Variants in MCTP1 observed in about 807,000 individuals in gnomAD.
MCTP1 encodes the protein multiple C2 and transmembrane domain containing 1.
In MCTP1, 69 loss-of-function variants were observed where a neutral mutation model predicts 120.6. The ratio of observed to expected loss-of-function variants is 0.57; its 90% confidence interval spans 0.47 to 0.70. MCTP1 has a LOEUF of 0.70. Among genes scored for constraint, MCTP1 ranks in the 30% least tolerant of loss-of-function variants. MCTP1 has a pLI of 0.00. For synonymous variants in MCTP1, 529 were observed against 493.1 expected (o/e 1.07, Z -0.96); for missense variants, 1,203 against 1,248.8 (o/e 0.96, Z 0.55).
At chr5:94,789,663 C>T (rs1269765505) in intron 18 of MCTP1, 1 of 152,160 alleles carries the variant, frequency 6.6e-6, no homozygotes, top group Non-Finnish European at 1.5e-5. Context: ...CTGGGACTAT[C>T]TAAATGTCTT....
intron 1 of MCTP1, among the ~76,000 whole-genome samples, chr5:95,189,329 G>T (rs1749580096): frequency 6.6e-6 from 1 of 152,166 alleles, no homozygotes; most frequent in South Asian, 2.1e-4. Context: ...GCCTTTCTAG[G>T]ATGATGGAAA....
At chr5:95,168,398 T>C (rs571958362) in intron 1 of MCTP1, among the ~76,000 whole-genome samples, 1 of 152,330 alleles carries the variant, frequency 6.6e-6, no homozygotes, top group Admixed American at 6.5e-5. Context: ...TGGTTCCATA[T>C]GAACTTTAAA....
At chr5:95,156,516 C>T (rs1291066376) in intron 1 of MCTP1, among the ~76,000 whole-genome samples, 2 of 152,194 alleles carry the variant, frequency 1.3e-5, no homozygotes, top group Non-Finnish European at 2.9e-5. Context: ...TACCTTAACT[C>T]ATATCATTCT....
At chr5:94,856,401 CAAT>C (rs1794729864) in intron 17 of MCTP1, among the ~76,000 whole-genome samples, 1 of 151,636 alleles carries the variant, frequency 6.6e-6, no homozygotes, top group South Asian at 2.1e-4. Flanking sequence ...TCTACAAACA[CAAT>C]AAAAAAAATC....
chr5:95,016,675 T>G (rs1837174949), intron 2 of MCTP1, among the ~76,000 whole-genome samples: 1 of 152,018 alleles, frequency 6.6e-6, no homozygotes, highest in South Asian at 2.1e-4. Context: ...ATCCACCTCC[T>G]GCAGCGCTCA....
At chr5:94,783,917 G>T (rs927860090) in intron 18 of MCTP1, among the ~76,000 whole-genome samples, 1 of 151,936 alleles carries the variant, frequency 6.6e-6, no homozygotes, top group African/African-American at 2.4e-5. Context: ...AGTTTCTTTC[G>T]TGTGTTTACT....
intron 1 of MCTP1, among the ~76,000 whole-genome samples, chr5:95,253,166 T>C (rs980404262): frequency 2.6e-5 from 4 of 152,158 alleles, no homozygotes; most frequent in Non-Finnish European, 5.9e-5. Context: ...TAGCAGAATA[T>C]GCAAGAGGAT....
At chr5:95,181,021 A>G (rs1039369619) in intron 1 of MCTP1, among the ~76,000 whole-genome samples, 2 of 152,170 alleles carry the variant, frequency 1.3e-5, no homozygotes, top group Non-Finnish European at 2.9e-5. Context: ...CCAAACCATC[A>G]TTATTCCTCA....
At chr5:95,046,586 T>C (rs1744595677) in intron 1 of MCTP1, among the ~76,000 whole-genome samples, 1 of 152,108 alleles carries the variant, frequency 6.6e-6, no homozygotes, top group Non-Finnish European at 1.5e-5. Flanking sequence ...TACCTCACCA[T>C]TTTCACCTTT....
At chr5:95,017,919 T>C (rs1358481896) in intron 1 of MCTP1, among the ~76,000 whole-genome samples, 1 of 152,140 alleles carries the variant, frequency 6.6e-6, no homozygotes, top group African/African-American at 2.4e-5. Context: ...GACTCATTTA[T>C]CTGTGCAGAA....
At chr5:94,735,520 C>T (rs1764027108) in intron 19 of MCTP1, among the ~76,000 whole-genome samples, 1 of 152,040 alleles carries the variant, frequency 6.6e-6, no homozygotes, top group Non-Finnish European at 1.5e-5. Flanking sequence ...CAAGAGATCT[C>T]CTTATCTCAG....
chr5:94,918,000 G>C (rs188692700), intron 7 of MCTP1, 27 bp from the exon 8 acceptor site: 1,123 of 1,579,600 alleles, frequency 7.1e-4, no homozygotes, highest in Non-Finnish European at 8.9e-4. Context: ...GATCAGAGCT[G>C]TACGGGGAAG....
chr5:95,130,488 T>C (rs943876943), intron 1 of MCTP1, among the ~76,000 whole-genome samples: 1 of 152,236 alleles, frequency 6.6e-6, no homozygotes, highest in Admixed American at 6.5e-5. Flanking sequence ...CAATAAGATA[T>C]GGATTCCAGA....
intron 2 of MCTP1, among the ~76,000 whole-genome samples, chr5:94,963,357 T>TATTTA (rs1554158353): frequency 3.4e-5 from 5 of 148,556 alleles, no homozygotes; most frequent in African/African-American, 1.0e-4. Flanking sequence ...TAATTCTATT[T>TATTTA]TTTTTTTTTT....
intron 2 of MCTP1, among the ~76,000 whole-genome samples, chr5:95,006,530 C>G (rs1347343737): frequency 6.6e-6 from 1 of 152,084 alleles, no homozygotes; most frequent in East Asian, 1.9e-4. Context: ...CTGGGTAAAA[C>G]AAGGCTATAC....
At chr5:94,826,464 A>G (rs1406203468) in intron 17 of MCTP1, 2 of 688,334 alleles carry the variant, frequency 2.9e-6, no homozygotes, top group Non-Finnish European at 2.7e-6. Flanking sequence ...AGAAGTGGCC[A>G]GCTTTTCTTG....
At chr5:95,066,642 T>C (rs1485191886) in intron 1 of MCTP1, among the ~76,000 whole-genome samples, 1 of 152,144 alleles carries the variant, frequency 6.6e-6, no homozygotes, top group African/African-American at 2.4e-5. Context: ...TATACATACA[T>C]AATGGAATAC....
intron 2 of MCTP1, among the ~76,000 whole-genome samples, chr5:95,008,806 C>A (rs373527945): frequency 6.6e-6 from 1 of 152,126 alleles, no homozygotes; most frequent in South Asian, 2.1e-4. Flanking sequence ...AAGATGGAGT[C>A]AGAGATTACA....
intron 1 of MCTP1, among the ~76,000 whole-genome samples, chr5:95,037,190 A>G (rs1020808703): frequency 6.6e-5 from 10 of 152,198 alleles, no homozygotes; most frequent in African/African-American, 2.4e-4. Flanking sequence ...CACCTAGACT[A>G]GAAAACCCAA....
Sources: allele counts gnomAD v4.1 joint callset (sites outside exome capture counted in the v4.1 genomes callset), GRCh38; gene constraint gnomAD v4.1.1; transcripts MANE v1.5; gene names NCBI Gene and HGNC (gene_info 2026-07-23, HGNC 2026-07-21).